Variants in CEP97 observed in about 807,000 individuals in gnomAD.
CEP97 encodes centrosomal protein 97.
CEP97 carries 43 observed loss-of-function variants against 73.1 expected under a neutral mutation model. That is an observed-to-expected ratio of 0.59 (90% CI 0.46 to 0.76). The LOEUF (loss-of-function observed/expected upper bound fraction) is 0.76. CEP97 is among the 30% of genes least tolerant of loss of function. CEP97 has a pLI of 0.00. For missense variants in CEP97, 939 were observed against 1,014.0 expected, an observed-to-expected ratio of 0.93 and a Z score of 1.00; for synonymous variants, 337 against 370.0, an observed-to-expected ratio of 0.91 and a Z score of 1.02.
Position 101,755,437 on chromosome 3 carries a change from G to T in CEP97, c.736G>T (p.Ala246Ser). 6.2e-7 allele frequency: 1 copy of T among 1,613,952 alleles called. No individual in the cohort carries two copies. The highest frequency in any genetic ancestry group is 8.5e-7 in the Non-Finnish European group (1 of 1,179,894). Residue 246 changes from alanine to serine, a missense_variant, in exon 7 of 11, where the codon GCT (alanine) becomes TCT (serine). By Grantham distance (99) the Ala-to-Ser change is moderately conservative (BLOSUM62 1). Coordinates refer to ENST00000341893, the MANE Select transcript of CEP97 (RefSeq NM_024548.4). Reference protein sequence around the residue: ...YVISQKESLKAEWLYSQGKGR... With the variant: ...YVISQKESLKSEWLYSQGKGR... ...TATGTTCCCCAATTCCAGTTTGAAA[G>T]CTGAATGGCTCTATAGTCAAGGCAA...
At position 101,755,631 on chromosome 3, in the gene CEP97, A is replaced by T. The variant is rs550184741; in HGVS notation, c.893+37A>T. 9 of 1,595,278 alleles carry T rather than the reference A, an allele frequency of 5.6e-6. No homozygotes were observed. The East Asian group carries it at 1.8e-4, about 32-fold the overall frequency. On this transcript the variant is annotated intron_variant, in intron 7 of 10. Coordinates refer to ENST00000341893, the MANE Select transcript of CEP97 (RefSeq NM_024548.4). ...TATTTCTAACAACTGATGAATTCAC[A>T]AGTTAAAATACCTCTGAGTCTTTGC...
chr3:101,726,903 T>TA (rs1266679080), intron 2 of CEP97, among the ~76,000 whole-genome samples, 167 bp downstream of exon 2: 2 of 152,136 alleles, frequency 1.3e-5, no homozygotes, highest in African/African-American at 4.8e-5. Context: ...TGTACTACAT[T>TA]GAGAGTAGAT....
Position 101,732,578 on chromosome 3 carries a change from G to A in CEP97, c.652G>A (p.Asp218Asn). The A allele has an allele frequency of 6.2e-7, 1 of 1,614,124 alleles. No individual in the cohort carries two copies. Among genetic ancestry groups the A allele is most frequent in the Non-Finnish European group, 8.5e-7 (1 of 1,179,956 alleles). ...VMATPSIPGFDYRPYIVSWCL... is the reference protein window; with the variant it reads ...VMATPSIPGFNYRPYIVSWCL... ...GGCAACACCATCCATCCCAGGATTT[G>A]ACTATCGGCCGTACATCGTCAGCTG... The change falls in exon 6 of 11, where the codon GAC (aspartate) becomes AAC (asparagine). Residue 218 changes from aspartate (D) to asparagine (N), a missense_variant. Transcript: ENST00000341893.
chr3:101,740,018 A>G (rs1477846557), intron 6 of CEP97, among the ~76,000 whole-genome samples: 1 of 152,218 alleles, frequency 6.6e-6, no homozygotes, highest in Non-Finnish European at 1.5e-5. Context: ...AGCCAATATC[A>G]TACTGAATGG....
At chr3:101,725,254 A>T (rs952444344) in intron 1 of CEP97, among the ~76,000 whole-genome samples, 2 of 152,178 alleles carry the variant, frequency 1.3e-5, no homozygotes, top group Admixed American at 6.5e-5. Context: ...GTTCTTGCAC[A>T]CGGGTCCTAG....
At chr3:101,763,078 T>C (rs1473582245) in intron 10 of CEP97, 1 of 1,211,840 alleles carries the variant, frequency 8.3e-7, no homozygotes, top group Non-Finnish European at 1.1e-6. Flanking sequence ...GAAAATATTT[T>C]AATAAAATTT....
intron 6 of CEP97, among the ~76,000 whole-genome samples, chr3:101,733,691 C>T (rs370477314): frequency 1.1e-3 from 160 of 151,872 alleles, no homozygotes; most frequent in African/African-American, 3.7e-3. Context: ...CCACTACGCC[C>T]GGCTAATTTT....
At chr3:101,757,510 G>A in intron 8 of CEP97, 124 bp from the exon 9 acceptor site, 1 of 863,824 alleles carries the variant, frequency 1.2e-6, no homozygotes, top group Non-Finnish European at 1.7e-6. Flanking sequence ...TCGGCATATT[G>A]GAAGAAGTCA....
intron 3 of CEP97, 98 bp from the exon 4 acceptor site, chr3:101,728,738 G>A: frequency 1.3e-6 from 1 of 754,776 alleles, no homozygotes; most frequent in Admixed American, 2.1e-5. Context: ...CTAATAATAA[G>A]AGGAGGGAAG....
intron 2 of CEP97, 33 bp downstream of exon 2, chr3:101,726,769 G>T (rs1233842122): frequency 2.0e-6 from 3 of 1,472,378 alleles, no homozygotes; most frequent in Non-Finnish European, 2.8e-6. Context: ...TGGTTACATA[G>T]GATCAATTTA....
intron 4 of CEP97, among the ~76,000 whole-genome samples, chr3:101,730,246 G>T (rs1436799173): frequency 4.7e-5 from 3 of 64,150 alleles, no homozygotes; most frequent in African/African-American, 1.4e-4. Context: ...GTTTTGTTTT[G>T]TTTTGTTTTG....
chr3:101,761,362 G>C (rs891683874), intron 9 of CEP97, among the ~76,000 whole-genome samples: 1 of 152,184 alleles, frequency 6.6e-6, no homozygotes, highest in Non-Finnish European at 1.5e-5. Flanking sequence ...GTGAGACTAT[G>C]AGAATGGGTG....
chr3:101,760,566 G>C (rs1939143854), intron 9 of CEP97, among the ~76,000 whole-genome samples: 1 of 152,040 alleles, frequency 6.6e-6, no homozygotes, highest in South Asian at 2.1e-4. Flanking sequence ...TTTTGAGATG[G>C]GGTCTTGCCC....
At chr3:101,728,460 C>T (rs563682801) in intron 3 of CEP97, among the ~76,000 whole-genome samples, 12 of 152,098 alleles carry the variant, frequency 7.9e-5, no homozygotes, top group Middle Eastern at 6.8e-3. Context: ...GACAGGGTTT[C>T]GCCATGTTGG....
intron 6 of CEP97, among the ~76,000 whole-genome samples, chr3:101,733,261 A>G (rs561435294): frequency 2.6e-5 from 4 of 152,308 alleles, no homozygotes; most frequent in Non-Finnish European, 5.9e-5. Context: ...AGAAACCATC[A>G]TGTTATAGAT....
At chr3:101,729,680 A>G (rs1420142603) in intron 4 of CEP97, among the ~76,000 whole-genome samples, 1 of 151,634 alleles carries the variant, frequency 6.6e-6, no homozygotes, top group Non-Finnish European at 1.5e-5. Context: ...TGATCCTCTC[A>G]CCTTAGCCTC....
At position 101,763,935 on chromosome 3, in the gene CEP97, A is replaced by C. The variant is rs181822398; in HGVS notation, c.1894-912A>C. 6.4e-5 allele frequency among the ~76,000 whole-genome samples: 9 copies of C among 141,718 alleles called. No homozygotes were observed. In the East Asian group the frequency reaches 1.9e-3, roughly 29 times the overall value. 93.0% of individuals were successfully genotyped at this position (141,718 alleles called of 152,430 possible). A position where few individuals can be genotyped will look rare whatever the true frequency, so the allele number is the denominator to read the frequency against. ...GTTGCGCATTATTGACCCCTTAGTC[A>C]GCTAGACATGTACTGTTGTGCTTCT... On this transcript the variant is annotated intron_variant, in intron 10 of 10. Transcript: ENST00000341893.
intron 6 of CEP97, among the ~76,000 whole-genome samples, chr3:101,750,475 T>G (rs1420400005): frequency 6.6e-6 from 1 of 152,192 alleles, no homozygotes; most frequent in Non-Finnish European, 1.5e-5. Context: ...TGGAATAGTT[T>G]CAGAAGGAAT....
Position 101,726,669 on chromosome 3 carries a change from C to T in CEP97, c.119C>T (p.Thr40Ile), listed in dbSNP as rs769933339. The change falls in exon 2 of 11, where the codon ACT becomes ATT. Residue 40 changes from threonine to isoleucine, a missense_variant. Thr to Ile is a moderately conservative substitution (Grantham distance 89, BLOSUM62 -1). Transcript: ENST00000341893. ...TTACCCTGTGAAGCTGATATTCACA[C>T]TTTGATTCTGGATAAAAATCAGATT... ...PNLPCEADIH[T>I]LILDKNQIIK... 14 of 1,605,038 alleles carry T rather than the reference C, an allele frequency of 8.7e-6. No homozygotes were observed. Among genetic ancestry groups the T allele is most frequent in the Non-Finnish European group, 1.1e-5 (13 of 1,172,394 alleles).
Sources: allele counts gnomAD v4.1 joint callset (sites outside exome capture counted in the v4.1 genomes callset), GRCh38; gene constraint gnomAD v4.1.1; transcripts MANE v1.5; gene names NCBI Gene and HGNC (gene_info 2026-07-23, HGNC 2026-07-21).